FCHSD1: variants seen among roughly 807,000 people sequenced by gnomAD.
FCHSD1 encodes the protein FCH and double SH3 domains 1.
Under a neutral mutation model 101.3 loss-of-function variants are expected in FCHSD1, and 109 were observed. That is an observed-to-expected ratio of 1.08 (90% confidence interval 0.92 to 1.26). FCHSD1 has a LOEUF of 1.26. FCHSD1 is among the 50% of genes most tolerant of loss of function. The pLI, the probability that FCHSD1 is intolerant of heterozygous loss-of-function variation, is 0.00. For missense variants in FCHSD1, 820 were observed against 895.8 expected (o/e 0.92, Z 1.08); for synonymous variants, 291 against 356.8 (o/e 0.82, Z 2.08).
intron 1 of FCHSD1, 28 bp from the exon 2 acceptor site, chr5:141,651,145 C>A: frequency 6.4e-7 from 1 of 1,562,922 alleles, no homozygotes; most frequent in Non-Finnish European, 8.7e-7. Context: ...GGATGAAGAC[C>A]CCAGCGCAAG....
intron 17 of FCHSD1, 82 bp downstream of exon 17, chr5:141,644,136 T>A (rs2099907351): frequency 4.6e-6 from 6 of 1,308,072 alleles, no homozygotes; most frequent in Non-Finnish European, 6.3e-6. Flanking sequence ...AGAGGAGGCA[T>A]TAAGATGAAT....
Position 141,639,898 on chromosome 5 carries a change from CCA to C in FCHSD1, c.*1598_*1599del. The stretch of plus-strand genomic sequence containing the variant: ...AGCCTCTGAGTTGTGGTCCTAAACC[CCA>C]GTGTTCCCTCCCCTCCCAGGTTCCG... On this transcript the variant is annotated 3_prime_UTR_variant, in exon 20 of 20. Coordinates refer to ENST00000435817, the MANE Select transcript of FCHSD1 (RefSeq NM_033449.3). The surrounding 1 kb of genome is among the most constrained non-coding windows in gnomAD (Gnocchi z 4.4). The C allele has an allele frequency of 6.2e-7, 1 of 1,613,288 alleles. No individual in the cohort carries two copies. The highest frequency in any genetic ancestry group is 1.3e-5 in the African/African-American group (1 of 75,050).
At chr5:141,643,606 T>C (rs913952698) in intron 17 of FCHSD1, among the ~76,000 whole-genome samples, 5 of 152,184 alleles carry the variant, frequency 3.3e-5, no homozygotes, top group African/African-American at 9.7e-5. Context: ...TCCCAGCACA[T>C]TGGGAGGCCA....
rs375795159 is a variant in FCHSD1, at chr5:141,640,367, A to T, written c.*1131T>A. On this transcript the variant is annotated 3_prime_UTR_variant, in exon 20 of 20. Coordinates refer to ENST00000435817, the MANE Select transcript of FCHSD1 (RefSeq NM_033449.3). ...CTCTACTCTGGGGGGCACTGATAGG[A>T]CCTACTCCTGGTCTCTCATTGTTGA... 1.3e-3 allele frequency: 2,168 copies of T among 1,614,052 alleles called. 59 individuals carry two copies. The South Asian group carries it at 0.023, about 17-fold the overall frequency.
chr5:141,649,013 G>C lies in FCHSD1; in HGVS notation c.520C>G (p.Arg174Gly), dbSNP rs748019454. 11 of 1,613,930 alleles carry C rather than the reference G, an allele frequency of 6.8e-6. No homozygotes were observed. In the Middle Eastern group the frequency reaches 8.2e-4, roughly 121 times the overall value. The change falls in exon 7 of 20, where the codon CGA becomes GGA. Residue 174 changes from arginine to glycine, a missense_variant. Physicochemically the swap from Arg to Gly is moderately radical, Grantham distance 125. Coordinates refer to ENST00000435817, the MANE Select transcript of FCHSD1 (RefSeq NM_033449.3). This position sits in a 1 kb window ranked among gnomAD's most constrained non-coding sequence, Gnocchi z 4.1. ...KAADVQARLN[R>G]SDHGIFHSRT... ...GAGTGGAAGATCCCATGGTCACTTC[G>C]GTTTAGCCTGTGCAGATGAGAGAAA...
chr5:141,648,846 G>A (rs2099908003), intron 7 of FCHSD1, 111 bp downstream of exon 7: 1 of 1,255,332 alleles, frequency 8.0e-7, no homozygotes, highest in Non-Finnish European at 1.2e-6. Context: ...CCAGGAAGTA[G>A]GAGAGCCTGG....
At chr5:141,645,977 G>A in intron 12 of FCHSD1, 45 bp from the exon 13 acceptor site, 1 of 1,544,740 alleles carries the variant, frequency 6.5e-7, no homozygotes, top group Non-Finnish European at 8.8e-7. Flanking sequence ...GCTGACGGCA[G>A]TGTTTACTCT....
Position 141,649,335 on chromosome 5 carries a change from T to C in FCHSD1, c.376-27A>G. On this transcript the variant is annotated intron_variant, in intron 5 of 19. Coordinates refer to ENST00000435817, the MANE Select transcript of FCHSD1 (RefSeq NM_033449.3). This position sits in a 1 kb window ranked among gnomAD's most constrained non-coding sequence, Gnocchi z 4.1. ...TATTGGGATGCATACACAAAGTCCT[T>C]ACCTAGACCACCTTTGGTCCCAAGC... 2 of 1,613,946 alleles carry C rather than the reference T, an allele frequency of 1.2e-6. No individual in the cohort carries two copies. Among genetic ancestry groups the C allele is most frequent in the East Asian group, 2.2e-5 (1 of 44,886 alleles).
At chr5:141,650,536 C>G in intron 2 of FCHSD1, 132 bp from the exon 3 acceptor site, 1 of 985,354 alleles carries the variant, frequency 1.0e-6, no homozygotes, top group Non-Finnish European at 1.6e-6. Context: ...TGTAACTACA[C>G]CCAGAGGGAA....
In FCHSD1 at chr5:141,646,624, C is replaced by G; in HGVS notation, c.1023G>C (p.Lys341Asn). 1 of 1,613,166 alleles carries G rather than the reference C, an allele frequency of 6.2e-7. No individual in the cohort carries two copies. Among genetic ancestry groups the G allele is most frequent in the Non-Finnish European group, 8.5e-7 (1 of 1,179,638 alleles). Residue 341 changes from lysine (K) to asparagine (N), a missense_variant, in exon 11 of 20, where the codon AAG becomes AAC. Physicochemically the swap from Lys to Asn is moderately conservative, Grantham distance 94. Transcript: ENST00000435817. Reference protein sequence around the residue: ...RLTSRAARDYKIQNHGHRVLQ... With the variant: ...RLTSRAARDYNIQNHGHRVLQ... ...TCACCCGATGCCCATGGTTCTGGAT[C>G]TTGTAGTCACGGGCAGCTCGGCTGG... is the stretch of plus-strand genomic sequence containing the variant.
At chr5:141,641,801 T>C (rs1277810656) in intron 18 of FCHSD1, 44 bp from the exon 19 acceptor site, 1 of 1,599,614 alleles carries the variant, frequency 6.3e-7, no homozygotes, top group African/African-American at 1.3e-5. Context: ...TTTGTTTTGT[T>C]CAATGCTGTA....
rs760343161 is a variant in FCHSD1 at position 141,647,164 on chromosome 5, G to A, written c.895C>T (p.Gln299Ter). 1.1e-5 allele frequency: 18 copies of A among 1,609,698 alleles called. No individual in the cohort carries two copies. The South Asian group carries it at 2.0e-4, about 18-fold the overall frequency. Residue 299 changes from glutamine (Q) to a stop codon, truncating the protein, a stop_gained, in exon 10 of 20, where the codon CAG becomes TAG. Transcript: ENST00000435817. LOFTEE classifies it high-confidence loss of function. ...EPGVFSPTPPQQFQPAGTDQV... is the reference protein window; with the variant it reads ...EPGVFSPTPP ...TCAGTCCCTGCTGGCTGAAACTGCT[G>A]AGGTGGGGTGGGGGAAAATACACCA...
In FCHSD1 at chr5:141,651,109, C is replaced by T. The variant is rs1294364162; in HGVS notation, c.30G>A (p.Pro10=). The T allele has an allele frequency of 2.5e-6, 4 of 1,586,956 alleles. No homozygotes were observed. Among genetic ancestry groups the T allele is most frequent in the African/African-American group, 1.3e-5 (1 of 74,306 alleles). Residue 10 remains proline (P), a synonymous_variant, in exon 2 of 20, where the codon CCG becomes CCA. Transcript: ENST00000435817. MQPPPRKVK[P]AQEVKLRFLE... is the part of the protein sequence containing the mutation. ...GGAAGCGAAGCTTCACCTCCTGGGC[C>T]GGCTTCACCTGTGGGGGCAAAGAGA...
At chr5:141,642,948 C>T in intron 18 of FCHSD1, 53 bp downstream of exon 18, 2 of 1,520,502 alleles carry the variant, frequency 1.3e-6, no homozygotes, top group South Asian at 1.2e-5. Context: ...GTCCAAGCTT[C>T]CTCCTTCTTC....
Position 141,640,418 on chromosome 5 carries a change from C to G in FCHSD1, c.*1080G>C, listed in dbSNP as rs1385805923. 6.2e-7 allele frequency: 1 copy of G among 1,614,182 alleles called. No homozygotes were observed. Among genetic ancestry groups the G allele is most frequent in the Non-Finnish European group, 8.5e-7 (1 of 1,180,020 alleles). Reference sequence around the variant, plus strand: ...CCCCTCCCCTTTCTCTCAGGTGTCTCTACCACAGGGAGCAGGGAGTATGTG... The same window carrying G: ...CCCCTCCCCTTTCTCTCAGGTGTCTGTACCACAGGGAGCAGGGAGTATGTG... On this transcript the variant is annotated 3_prime_UTR_variant, in exon 20 of 20. Coordinates refer to ENST00000435817, the MANE Select transcript of FCHSD1 (RefSeq NM_033449.3).
chr5:141,649,297 G>A lies in FCHSD1; in HGVS notation c.387C>T (p.Asn129=), dbSNP rs770084242. The change falls in exon 6 of 20, where the codon AAC becomes AAT. Residue 129 remains asparagine, a synonymous_variant. Transcript: ENST00000435817. The surrounding 1 kb of genome is among the most constrained non-coding windows in gnomAD (Gnocchi z 4.1). ...GCACCTCAGCCTGCGCCCTCTGGAGGTTCTCTGTTCCCTATTGGGATGCAT... is the reference window on the plus strand; with the variant it reads ...GCACCTCAGCCTGCGCCCTCTGGAGATTCTCTGTTCCCTATTGGGATGCAT... ...KEQVLRKGTE[N]LQRAQAEVLQ... 6.2e-7 allele frequency: 1 copy of A among 1,614,024 alleles called. No homozygotes were observed. The highest frequency in any genetic ancestry group is 8.5e-7 in the Non-Finnish European group (1 of 1,179,886).
At position 141,649,736 on chromosome 5, in the gene FCHSD1, G is replaced by T; in HGVS notation, c.233+151C>A. ...CCTCCACCCCACCCACAGTGTCCTT[G>T]CTGGGTCAGCTCCTCTGCTGCTGCT... On this transcript the variant is annotated intron_variant, in intron 4 of 19. Transcript: ENST00000435817. The surrounding 1 kb of genome is among the most constrained non-coding windows in gnomAD (Gnocchi z 4.1). 2 of 1,172,016 alleles carry T rather than the reference G, an allele frequency of 1.7e-6. No individual in the cohort carries two copies. The highest frequency in any genetic ancestry group is 2.4e-6 in the Non-Finnish European group (2 of 846,334). The allele number at this position is 1,172,016 out of a possible 1,614,324, so 72.6% of individuals were successfully genotyped here. A position where few individuals can be genotyped will look rare whatever the true frequency, so the allele number is the denominator to read the frequency against.
Position 141,649,777 on chromosome 5 carries a change from A to G in FCHSD1, c.233+110T>C. 7.5e-7 allele frequency: 1 copy of G among 1,327,246 alleles called. No individual in the cohort carries two copies. The highest frequency in any genetic ancestry group is 1.0e-6 in the Non-Finnish European group (1 of 974,246). The allele number at this position is 1,327,246 out of a possible 1,614,324, so 82.2% of individuals were successfully genotyped here. ...TGCTGCTGCTGTGTCAGCTCTACCT[A>G]CAGCTCACGTGCCTTCCCCACTTGC... is the stretch of plus-strand genomic sequence containing the variant. On this transcript the variant is annotated intron_variant, in intron 4 of 19. Transcript: ENST00000435817. This position sits in a 1 kb window ranked among gnomAD's most constrained non-coding sequence, Gnocchi z 4.1.
At chr5:141,647,574 A>G (rs2099907812) in intron 8 of FCHSD1, 54 bp from the exon 9 acceptor site, 2 of 1,596,520 alleles carry the variant, frequency 1.3e-6, no homozygotes, top group Non-Finnish European at 1.7e-6. Context: ...CTCTACTGTA[A>G]AATAGGCTCG....
Sources: allele counts gnomAD v4.1 joint callset (sites outside exome capture counted in the v4.1 genomes callset), GRCh38; gene constraint gnomAD v4.1.1; non-coding constraint Gnocchi (gnomAD v3.1); transcripts MANE v1.5; gene names NCBI Gene and HGNC (gene_info 2026-07-23, HGNC 2026-07-21).